Variants in NCK1 observed in about 807,000 individuals in gnomAD.
The protein encoded by NCK1 is SH2/SH3 adapter protein NCK1.
Under a neutral mutation model 36.6 loss-of-function variants are expected in NCK1, and 19 were observed. The ratio of observed to expected loss-of-function variants is 0.52; its 90% CI spans 0.36 to 0.76. NCK1 has a LOEUF of 0.76. Ranked by LOEUF, NCK1 falls within the 30% of genes least tolerant of loss-of-function variation. NCK1 has a pLI of 0.00. For missense variants in NCK1, 358 were observed against 445.6 expected (o/e 0.80, Z 1.77); for synonymous variants, 165 against 156.0 (o/e 1.06, Z -0.43).
intron 2 of NCK1, among the ~76,000 whole-genome samples, chr3:136,945,055 C>T (rs566564073): frequency 5.4e-4 from 82 of 152,292 alleles, no homozygotes; most frequent in African/African-American, 1.9e-3. Flanking sequence ...GTAAATAGAG[C>T]TACCTGGGTC....
At chr3:136,887,007 C>G (rs1471279991) in intron 1 of NCK1, among the ~76,000 whole-genome samples, 1 of 151,982 alleles carries the variant, frequency 6.6e-6, no homozygotes, top group Non-Finnish European at 1.5e-5. Context: ...CCATGCCCGG[C>G]TAATTTTTGT....
intron 1 of NCK1, among the ~76,000 whole-genome samples, chr3:136,873,902 C>T (rs1055512466): frequency 2.0e-5 from 3 of 152,194 alleles, no homozygotes; most frequent in Admixed American, 2.0e-4. Context: ...AAACCTCTTT[C>T]TTTTGTAAAT....
chr3:136,940,846 A>G (rs1368312930), intron 2 of NCK1, among the ~76,000 whole-genome samples: 3 of 152,074 alleles, frequency 2.0e-5, no homozygotes, highest in African/African-American at 7.2e-5. Context: ...CGCCGGGCCT[A>G]TGCTGTGTGA....
rs1940285159 is a variant in NCK1 at position 136,927,874 on chromosome 3, T to A, written c.-18-110T>A. 6 of 802,672 alleles carry A rather than the reference T, an allele frequency of 7.5e-6. No individual in the cohort carries two copies. In the East Asian group the frequency reaches 7.9e-5, roughly 11 times the overall value. 49.7% of individuals were successfully genotyped at this position (802,672 alleles called of 1,614,324 possible). On this transcript the variant is annotated intron_variant, in intron 1 of 3. Coordinates refer to ENST00000481752, the MANE Select transcript of NCK1 (RefSeq NM_001291999.2). ...TGCCTCATGTATTTTTTTCCATATT[T>A]TTTACTTTTCATCTTTATGTCTTTA... is the stretch of plus-strand genomic sequence containing the variant.
intron 1 of NCK1, among the ~76,000 whole-genome samples, chr3:136,925,863 C>T (rs563422718): frequency 1.9e-4 from 29 of 152,282 alleles, no homozygotes; most frequent in Non-Finnish European, 3.2e-4. Context: ...GGTGCAGTTG[C>T]TAGCTTGTAT....
In NCK1 at chr3:136,906,116, T is replaced by G. The variant is rs187466546; in HGVS notation, c.-18-21868T>G. ...TTTTCCTGAAGATGTATTTGTGGTG[T>G]TGGTTGAATATGGCACTTTGGCTTT... On this transcript the variant is annotated intron_variant, in intron 1 of 3. Transcript: ENST00000481752. Among the ~76,000 whole-genome samples the G allele has an allele frequency of 2.0e-5, 3 of 152,264 alleles. No homozygotes were observed. In the East Asian group the frequency reaches 5.8e-4, roughly 29 times the overall value.
intron 1 of NCK1, among the ~76,000 whole-genome samples, chr3:136,885,206 G>A (rs542999632): frequency 6.6e-6 from 1 of 152,158 alleles, no homozygotes; most frequent in Non-Finnish European, 1.5e-5. Context: ...TATTGTGGCC[G>A]TGGACAAGTG....
chr3:136,889,905 GC>G (rs1939188854), intron 1 of NCK1, among the ~76,000 whole-genome samples: 1 of 152,060 alleles, frequency 6.6e-6, no homozygotes, highest in Admixed American at 6.6e-5. Flanking sequence ...ATTCTCCAAG[GC>G]CCCACCAGAC....
At chr3:136,912,109 A>G (rs975827914) in intron 1 of NCK1, among the ~76,000 whole-genome samples, 2 of 148,254 alleles carry the variant, frequency 1.3e-5, no homozygotes, top group African/African-American at 5.0e-5. Flanking sequence ...TTTATTGAAT[A>G]TGTATATTTA....
intron 1 of NCK1, 54 bp from the exon 2 acceptor site, chr3:136,927,930 T>C (rs1940287288): frequency 1.6e-6 from 2 of 1,245,924 alleles, no homozygotes; most frequent in South Asian, 1.4e-5. Context: ...TTGAAAAGCA[T>C]GTGAACTAAT....
At chr3:136,901,168 A>C (rs1031467019) in intron 1 of NCK1, among the ~76,000 whole-genome samples, 7 of 151,700 alleles carry the variant, frequency 4.6e-5, no homozygotes, top group African/African-American at 1.7e-4. Context: ...AGATGAACAT[A>C]TGGTTTTGTC....
chr3:136,940,449 T>A (rs1381687081), intron 2 of NCK1, among the ~76,000 whole-genome samples: 3 of 152,214 alleles, frequency 2.0e-5, no homozygotes, highest in Non-Finnish European at 4.4e-5. Context: ...GAGGCTCTCT[T>A]GTTAGGTATG....
chr3:136,945,732 T>A lies in NCK1; in HGVS notation c.376T>A (p.Ser126Thr), dbSNP rs748857974. Reference protein sequence around the residue: ...NYMAEREDELSLIKGTKVIVM... With the variant: ...NYMAEREDELTLIKGTKVIVM... ...CATGGCTGAGAGAGAGGATGAATTA[T>A]CATTGATAAAGGGGACAAAGGTGAT... Residue 126 changes from serine (S) to threonine (T), a missense_variant, in exon 3 of 4, where the codon TCA (serine) becomes ACA (threonine). Coordinates refer to ENST00000481752, the MANE Select transcript of NCK1 (RefSeq NM_001291999.2). 3.1e-6 allele frequency: 5 copies of A among 1,614,178 alleles called. No homozygotes were observed. The highest frequency in any genetic ancestry group is 4.2e-6 in the Non-Finnish European group (5 of 1,180,024).
rs998315077 is a variant in NCK1 at position 136,945,870 on chromosome 3, G to A, written c.514G>A (p.Val172Met). 1.9e-6 allele frequency: 3 copies of A among 1,614,148 alleles called. No homozygotes were observed. In the Admixed American group the frequency reaches 5.0e-5, roughly 27 times the overall value. The change falls in exon 3 of 4, where the codon GTG becomes ATG. Residue 172 changes from valine to methionine, a missense_variant. By Grantham distance (21) the Val-to-Met change is conservative. Around this residue, in one of 3 missense-constraint regions of NCK1, gnomAD observed 207 missense variants for 253.4 expected, o/e 0.82. Coordinates refer to ENST00000481752, the MANE Select transcript of NCK1 (RefSeq NM_001291999.2). Reference protein sequence around the residue: ...EEGDSPLGDHVGSLSEKLAAV... With the variant: ...EEGDSPLGDHMGSLSEKLAAV... The stretch of plus-strand genomic sequence containing the variant: ...AGGTGACAGTCCTTTGGGTGACCAT[G>A]TGGGTTCTCTGTCAGAGAAATTAGC...
chr3:136,895,546 ATGT>A (rs1939371825), intron 1 of NCK1, among the ~76,000 whole-genome samples: 1 of 151,694 alleles, frequency 6.6e-6, no homozygotes, highest in Admixed American at 6.6e-5. Flanking sequence ...TTGAATTTGT[ATGT>A]TGTTTTTATT....
chr3:136,890,130 C>G (rs9842145), intron 1 of NCK1, among the ~76,000 whole-genome samples: 4 of 151,968 alleles, frequency 2.6e-5, no homozygotes, highest in Non-Finnish European at 5.9e-5. Context: ...CTGCAGGTCC[C>G]GAGCCCTGCC....
intron 1 of NCK1, among the ~76,000 whole-genome samples, chr3:136,866,312 C>CTT (rs35197703): frequency 7.0e-5 from 10 of 143,408 alleles, no homozygotes; most frequent in Middle Eastern, 3.6e-3. Flanking sequence ...TTCTTTCTTT[C>CTT]TTTTTTTTTT....
intron 2 of NCK1, among the ~76,000 whole-genome samples, chr3:136,941,436 C>T (rs1183446553): frequency 6.6e-6 from 1 of 151,928 alleles, no homozygotes; most frequent in Non-Finnish European, 1.5e-5. Context: ...GGACTATTTT[C>T]TCTAATATAT....
intron 1 of NCK1, among the ~76,000 whole-genome samples, chr3:136,886,528 G>A (rs934792642): frequency 1.3e-5 from 2 of 151,974 alleles, no homozygotes; most frequent in African/African-American, 4.8e-5. Flanking sequence ...TATATGTTTA[G>A]TACAGGTGCT....
Sources: allele counts gnomAD v4.1 joint callset (sites outside exome capture counted in the v4.1 genomes callset), GRCh38; gene constraint gnomAD v4.1.1; regional missense constraint gnomAD v4.1.1; transcripts MANE v1.5; gene names NCBI Gene and HGNC (gene_info 2026-07-23, HGNC 2026-07-21).